The following KCNH8 variants were observed in gnomAD, a reference collection of about 807,000 sequenced individuals.
KCNH8 encodes potassium voltage-gated channel subfamily H member 8, also known as voltage-gated delayed rectifier potassium channel KCNH8.
A neutral mutation model predicts 103.6 loss-of-function variants in KCNH8; 70 were observed. The observed-to-expected ratio is 0.68, with a 90% CI of 0.56 to 0.82. The LOEUF is 0.82. KCNH8 is among the 40% of genes least tolerant of loss of function. The pLI is 0.00. For missense variants in KCNH8, 1,217 were observed against 1,329.9 expected (o/e 0.92, Z 1.32); for synonymous variants, 498 against 489.4 (o/e 1.02, Z -0.23).
chr3:19,410,770 A>C (rs1311546192), intron 7 of KCNH8, among the ~76,000 whole-genome samples: 1 of 151,840 alleles, frequency 6.6e-6, no homozygotes, highest in Non-Finnish European at 1.5e-5. Flanking sequence ...GAAATGAATA[A>C]ATTCTTGGAA....
intron 3 of KCNH8, among the ~76,000 whole-genome samples, chr3:19,338,777 G>A (rs2065619105): frequency 6.6e-6 from 1 of 151,622 alleles, no homozygotes; most frequent in Admixed American, 6.6e-5. Flanking sequence ...TTCATTTTTT[G>A]CTTTTGTACT....
At chr3:19,250,338 C>T (rs190338976) in intron 1 of KCNH8, among the ~76,000 whole-genome samples, 22 of 152,086 alleles carry the variant, frequency 1.4e-4, no homozygotes, top group Non-Finnish European at 2.6e-4. Flanking sequence ...ATGTAATATA[C>T]TTATAATAAT....
At chr3:19,148,928 T>C in intron 1 of KCNH8, 133 bp downstream of exon 1, 1 of 811,670 alleles carries the variant, frequency 1.2e-6, no homozygotes. Context: ...AGGTATCTTT[T>C]GTGCGGAGAA....
intron 3 of KCNH8, among the ~76,000 whole-genome samples, chr3:19,339,497 G>C (rs1013628369): frequency 2.0e-5 from 3 of 151,986 alleles, no homozygotes; most frequent in African/African-American, 7.2e-5. Flanking sequence ...AGTTTACAAA[G>C]ATTCTATGTA....
rs1208286808 is a variant in KCNH8 at position 19,533,659 on chromosome 3, G to T, written c.2884G>T (p.Asp962Tyr). Residue 962 changes from aspartate to tyrosine, a missense_variant, in exon 16 of 16, where the codon GAT (aspartate) becomes TAT (tyrosine). By Grantham distance (160) the Asp-to-Tyr change is radical. Coordinates refer to ENST00000328405, the MANE Select transcript of KCNH8 (RefSeq NM_144633.3). ...SNITSDIWSV[D>Y]PSSVGSSPQR... ...TATCACCTCAGACATTTGGAGTGTG[G>T]ATCCCTCCTCTGTGGGGAGCAGCCC... 9 of 1,614,036 alleles carry T rather than the reference G, an allele frequency of 5.6e-6. No homozygotes were observed. In the African/African-American group the frequency reaches 8.0e-5, roughly 14 times the overall value.
chr3:19,350,091 T>G (rs1468258845), intron 5 of KCNH8, among the ~76,000 whole-genome samples: 2 of 152,142 alleles, frequency 1.3e-5, no homozygotes, highest in Admixed American at 1.3e-4. Flanking sequence ...TGCTCTTTCT[T>G]TTAAATGAGT....
chr3:19,216,109 G>T (rs2063815241), intron 1 of KCNH8, among the ~76,000 whole-genome samples: 1 of 152,182 alleles, frequency 6.6e-6, no homozygotes, highest in South Asian at 2.1e-4. Flanking sequence ...AACAAAGTTT[G>T]TCTATTAAGT....
intron 4 of KCNH8, among the ~76,000 whole-genome samples, chr3:19,343,620 C>T (rs953037173): frequency 6.6e-6 from 1 of 151,994 alleles, no homozygotes; most frequent in Non-Finnish European, 1.5e-5. Context: ...ATGAAACAAC[C>T]AGATCTATTT....
intron 11 of KCNH8, among the ~76,000 whole-genome samples, chr3:19,463,963 T>C (rs976774089): frequency 6.6e-6 from 1 of 152,096 alleles, no homozygotes; most frequent in Non-Finnish European, 1.5e-5. Context: ...CAGAATGATA[T>C]CTGAAACAAT....
intron 11 of KCNH8, among the ~76,000 whole-genome samples, chr3:19,465,930 T>C (rs2067725676): frequency 6.6e-6 from 1 of 151,974 alleles, no homozygotes; most frequent in Non-Finnish European, 1.5e-5. Context: ...GCTTCTTTAT[T>C]TTATTTTATT....
chr3:19,383,251 G>A (rs1398364220), intron 5 of KCNH8, among the ~76,000 whole-genome samples: 1 of 152,170 alleles, frequency 6.6e-6, no homozygotes, highest in Non-Finnish European at 1.5e-5. Context: ...AAAGAGCTAT[G>A]TAATTATAAG....
intron 11 of KCNH8, among the ~76,000 whole-genome samples, chr3:19,481,601 AT>A (rs1178338159): frequency 6.6e-6 from 1 of 152,146 alleles, no homozygotes; most frequent in Non-Finnish European, 1.5e-5. Context: ...AGTTTCATGC[AT>A]TTTTTTCTTA....
chr3:19,152,657 T>C (rs1459473292), intron 1 of KCNH8, among the ~76,000 whole-genome samples: 1 of 152,158 alleles, frequency 6.6e-6, no homozygotes, highest in Non-Finnish European at 1.5e-5. Context: ...AAATTGATGC[T>C]GGGCGCAGTG....
At chr3:19,532,839 T>C (rs1053396015) in intron 15 of KCNH8, among the ~76,000 whole-genome samples, 1 of 152,206 alleles carries the variant, frequency 6.6e-6, no homozygotes, top group African/African-American at 2.4e-5. Context: ...TCAGGATGTA[T>C]GTTCATTCAA....
At chr3:19,342,831 C>T in intron 4 of KCNH8, 117 bp downstream of exon 4, 1 of 1,024,082 alleles carries the variant, frequency 9.8e-7, no homozygotes, top group Non-Finnish European at 1.4e-6. Context: ...TTTTTTTCCA[C>T]TTTGGTTTGT....
intron 5 of KCNH8, among the ~76,000 whole-genome samples, chr3:19,350,025 C>A (rs2065778647): frequency 6.6e-6 from 1 of 152,018 alleles, no homozygotes; most frequent in African/African-American, 2.4e-5. Context: ...TCTTGTTGAC[C>A]AACTTATTTT....
intron 1 of KCNH8, among the ~76,000 whole-genome samples, chr3:19,224,645 A>G (rs1457965029): frequency 1.3e-5 from 2 of 150,164 alleles, no homozygotes; most frequent in Non-Finnish European, 2.9e-5. Context: ...GGCTCAAATG[A>G]TCTTCCCACT....
chr3:19,430,461 T>C (rs1360942345), intron 7 of KCNH8, among the ~76,000 whole-genome samples: 3 of 152,182 alleles, frequency 2.0e-5, no homozygotes, highest in Non-Finnish European at 4.4e-5. Flanking sequence ...GTCTTGGCTA[T>C]TCAGGCCCTT....
Position 19,342,606 on chromosome 3 carries a change from A to T in KCNH8, c.462A>T (p.Ser154=). The T allele has an allele frequency of 6.2e-7, 1 of 1,610,546 alleles. No homozygotes were observed. Among genetic ancestry groups the T allele is most frequent in the Non-Finnish European group, 8.5e-7 (1 of 1,177,584 alleles). ...CCCCAGACAAAGTCAAAGGAAGATC[A>T]AGAGCAGGGACCCACTTTGACTCAG... ...DKKEDKVKGR[S]RAGTHFDSAR... Residue 154 remains serine (S), a synonymous_variant, in exon 4 of 16, where the codon TCA becomes TCT. Coordinates refer to ENST00000328405, the MANE Select transcript of KCNH8 (RefSeq NM_144633.3).
Sources: allele counts gnomAD v4.1 joint callset (sites outside exome capture counted in the v4.1 genomes callset), GRCh38; gene constraint gnomAD v4.1.1; transcripts MANE v1.5; gene names NCBI Gene and HGNC (gene_info 2026-07-23, HGNC 2026-07-21).